Variants in IGSF21 observed in about 807,000 individuals in gnomAD.
The protein encoded by IGSF21 is immunoglobin superfamily member 21.
IGSF21 carries 28 observed loss-of-function variants against 46.8 expected under a neutral mutation model. The ratio of observed to expected loss-of-function variants is 0.60; its 90% CI spans 0.44 to 0.82. The LOEUF (loss-of-function observed/expected upper bound fraction) is 0.82. Among genes scored for constraint, IGSF21 ranks in the 40% least tolerant of loss-of-function variants. IGSF21 has a pLI of 0.00. For synonymous variants in IGSF21, 284 were observed against 273.6 expected (o/e 1.04, Z -0.38); for missense variants, 624 against 665.5 (o/e 0.94, Z 0.69).
chr1:18,264,449 T>G (rs1237495932), intron 2 of IGSF21, among the ~76,000 whole-genome samples: 1 of 152,226 alleles, frequency 6.6e-6, no homozygotes, highest in Admixed American at 6.5e-5. Context: ...AGATAGTCTG[T>G]GCCTTCAGAC....
chr1:18,202,522 A>G (rs1030063734), intron 1 of IGSF21, among the ~76,000 whole-genome samples: 4 of 152,198 alleles, frequency 2.6e-5, no homozygotes, highest in Admixed American at 6.5e-5. Context: ...AAAACTTACA[A>G]TCATGGCAGA....
intron 3 of IGSF21, among the ~76,000 whole-genome samples, chr1:18,328,951 C>T (rs2085685036): frequency 6.6e-6 from 1 of 152,278 alleles, no homozygotes; most frequent in South Asian, 2.1e-4. Flanking sequence ...AATTAAGGGG[C>T]CCGCCAGAAG....
chr1:18,275,403 G>A (rs186006794), intron 2 of IGSF21, among the ~76,000 whole-genome samples: 14 of 152,242 alleles, frequency 9.2e-5, no homozygotes, highest in Admixed American at 2.0e-4. Context: ...CAGCAATCCC[G>A]TCCCATTCTT....
chr1:18,360,414 G>T (rs999618937), intron 4 of IGSF21, among the ~76,000 whole-genome samples: 4 of 152,154 alleles, frequency 2.6e-5, no homozygotes, highest in Non-Finnish European at 5.9e-5. Flanking sequence ...CCTTGAAATA[G>T]AGTTGCCCGT....
chr1:18,265,406 C>CA, intron 2 of IGSF21, among the ~76,000 whole-genome samples: 1 of 152,180 alleles, frequency 6.6e-6, no homozygotes, highest in African/African-American at 2.4e-5. Flanking sequence ...TAATGTCAGG[C>CA]AAAAATTCTC....
chr1:18,332,134 C>T (rs1165548275), intron 3 of IGSF21, among the ~76,000 whole-genome samples: 6 of 152,232 alleles, frequency 3.9e-5, no homozygotes, highest in African/African-American at 1.4e-4. Flanking sequence ...GTTACTATCA[C>T]CTGAGCATGT....
At chr1:18,377,071 A>G in intron 8 of IGSF21, 79 bp downstream of exon 8, 1 of 1,469,316 alleles carries the variant, frequency 6.8e-7, no homozygotes, top group Non-Finnish European at 9.1e-7. Flanking sequence ...AGGAGGAAGA[A>G]GCAGTAGGGG....
intron 2 of IGSF21, among the ~76,000 whole-genome samples, chr1:18,259,988 T>C (rs756119120): frequency 2.0e-5 from 3 of 152,222 alleles, no homozygotes; most frequent in Non-Finnish European, 2.9e-5. Context: ...TCATGTCCCT[T>C]CATCTCTCCA....
intron 1 of IGSF21, 52 bp downstream of exon 1, chr1:18,108,250 G>A (rs962616056): frequency 4.6e-6 from 6 of 1,311,792 alleles, no homozygotes; most frequent in Non-Finnish European, 4.8e-6. Context: ...GCGCGGGGAC[G>A]GGGTGCCGGG....
At chr1:18,363,893 T>C (rs1191802095) in intron 5 of IGSF21, among the ~76,000 whole-genome samples, 1 of 152,064 alleles carries the variant, frequency 6.6e-6, no homozygotes, top group African/African-American at 2.4e-5. Flanking sequence ...CCCTAGGAAG[T>C]GGACCCAAAA....
intron 1 of IGSF21, among the ~76,000 whole-genome samples, chr1:18,169,216 C>T (rs2086710791): frequency 6.6e-6 from 1 of 152,240 alleles, no homozygotes; most frequent in South Asian, 2.1e-4. Flanking sequence ...CAGATCCCCA[C>T]CAGCTGGATC....
intron 1 of IGSF21, 123 bp from the exon 2 acceptor site, chr1:18,227,775 G>T: frequency 1.4e-6 from 1 of 696,864 alleles, no homozygotes; most frequent in Admixed American, 2.0e-5. Context: ...GTCCCTCAAA[G>T]TTGTGCAACT....
intron 3 of IGSF21, among the ~76,000 whole-genome samples, chr1:18,296,075 T>C (rs1557630360): frequency 2.0e-5 from 3 of 152,180 alleles, no homozygotes; most frequent in East Asian, 1.9e-4. Context: ...AGGGGGGACA[T>C]TGAGAAACTA....
At chr1:18,152,406 C>T (rs1369719335) in intron 1 of IGSF21, among the ~76,000 whole-genome samples, 1 of 152,162 alleles carries the variant, frequency 6.6e-6, no homozygotes, top group Non-Finnish European at 1.5e-5. Flanking sequence ...GAGCAGATCC[C>T]TTGAGAAGGT....
At chr1:18,304,177 G>A (rs1446425260) in intron 3 of IGSF21, among the ~76,000 whole-genome samples, 1 of 152,194 alleles carries the variant, frequency 6.6e-6, no homozygotes, top group Non-Finnish European at 1.5e-5. Context: ...TTGCATTTGG[G>A]AGGAGAGGGG....
At chr1:18,285,027 A>T (rs1427313169) in intron 2 of IGSF21, among the ~76,000 whole-genome samples, 1 of 152,210 alleles carries the variant, frequency 6.6e-6, no homozygotes, top group African/African-American at 2.4e-5. Flanking sequence ...ATACACCAGC[A>T]GTTTTCACTC....
At chr1:18,224,659 A>G (rs149191094) in intron 1 of IGSF21, among the ~76,000 whole-genome samples, 1 of 152,292 alleles carries the variant, frequency 6.6e-6, no homozygotes, top group Non-Finnish European at 1.5e-5. Flanking sequence ...TTTTTCATGC[A>G]TAAAGGAAAG....
intron 1 of IGSF21, among the ~76,000 whole-genome samples, chr1:18,157,753 T>G (rs1220656071): frequency 6.6e-6 from 1 of 152,150 alleles, no homozygotes; most frequent in Admixed American, 6.5e-5. Context: ...GGTCACATAT[T>G]TGGTTCGCCA....
At chr1:18,146,285 G>C (rs977572903) in intron 1 of IGSF21, among the ~76,000 whole-genome samples, 1 of 152,208 alleles carries the variant, frequency 6.6e-6, no homozygotes, top group Non-Finnish European at 1.5e-5. Flanking sequence ...GCCTAGCAGG[G>C]AGTGAGCGTC....
Sources: gnomAD v4.1 joint callset for allele counts (sites outside exome capture counted in the v4.1 genomes callset) on GRCh38, gnomAD v4.1.1 for gene constraint, MANE v1.5 for transcripts, NCBI Gene and HGNC (gene_info 2026-07-23, HGNC 2026-07-21) for gene names.